MED13L: variants seen among roughly 807,000 people sequenced by gnomAD.
The protein encoded by MED13L is mediator complex subunit 13L, also known as mediator of RNA polymerase II transcription subunit 13-like.
A neutral mutation model predicts 220.9 loss-of-function variants in MED13L; 7 were observed. That is an observed-to-expected ratio of 0.03 (90% CI 0.02 to 0.06). The LOEUF is 0.06. Among genes scored for constraint, MED13L ranks in the 10% least tolerant of loss-of-function variants. The pLI is 1.00. For missense variants in MED13L, 1,965 were observed against 2,760.5 expected (o/e 0.71, Z 6.46); for synonymous variants, 1,011 against 1,015.2 (o/e 1.00, Z 0.08).
intron 3 of MED13L, among the ~76,000 whole-genome samples, chr12:116,100,675 C>T (rs1024206401): frequency 6.6e-6 from 1 of 151,506 alleles, no homozygotes; most frequent in Non-Finnish European, 1.5e-5. Flanking sequence ...CTCTGGGGAG[C>T]CAAAGTGGAA....
intron 2 of MED13L, among the ~76,000 whole-genome samples, chr12:116,211,961 TTAAAA>T (rs1458464280): frequency 1.3e-5 from 2 of 152,094 alleles, no homozygotes; most frequent in Non-Finnish European, 2.9e-5. Context: ...TAAATAACTA[TTAAAA>T]TAAGTTGAAA....
At chr12:116,084,040 G>C (rs1447208902) in intron 4 of MED13L, among the ~76,000 whole-genome samples, 1 of 152,200 alleles carries the variant, frequency 6.6e-6, no homozygotes, top group Admixed American at 6.5e-5. Context: ...TCTTGGTTCT[G>C]CATCATCTAT....
At chr12:115,972,956 T>TA (rs1488305236) in intron 25 of MED13L, among the ~76,000 whole-genome samples, 2 of 152,192 alleles carry the variant, frequency 1.3e-5, no homozygotes, top group Non-Finnish European at 2.9e-5. Context: ...GCGCCATTCC[T>TA]ATGCATCACC....
At chr12:116,024,777 G>GA (rs1482845652) in intron 4 of MED13L, among the ~76,000 whole-genome samples, 1 of 96,290 alleles carries the variant, frequency 1.0e-5, no homozygotes, top group Admixed American at 1.1e-4. Flanking sequence ...GCGGGGCGGG[G>GA]GGGGGGGGGA....
At chr12:116,024,146 G>C (rs1880231714) in intron 4 of MED13L, among the ~76,000 whole-genome samples, 1 of 152,064 alleles carries the variant, frequency 6.6e-6, no homozygotes, top group Admixed American at 6.6e-5. Context: ...TACAGCCATA[G>C]AACATGTTCT....
At chr12:116,127,511 C>T (rs1875698285) in intron 2 of MED13L, among the ~76,000 whole-genome samples, 1 of 152,104 alleles carries the variant, frequency 6.6e-6, no homozygotes, top group Non-Finnish European at 1.5e-5. Context: ...TAAACAGTTA[C>T]TACTCTAACT....
chr12:116,243,965 C>A (rs746328070), intron 1 of MED13L, among the ~76,000 whole-genome samples: 7 of 152,148 alleles, frequency 4.6e-5, no homozygotes, highest in Non-Finnish European at 8.8e-5. Context: ...TGAGATGGAA[C>A]CCTTATTACC....
intron 4 of MED13L, among the ~76,000 whole-genome samples, chr12:116,029,461 A>T (rs1880596067): frequency 6.6e-6 from 1 of 152,118 alleles, no homozygotes; most frequent in African/African-American, 2.4e-5. Context: ...AAAGACAAAG[A>T]TTACCAGAGT....
At position 116,005,718 on chromosome 12, in the gene MED13L, T is replaced by C. The variant is rs185080611; in HGVS notation, c.2469+151A>G. ...ACTTTTTTTATACAGCATGACTAGA[T>C]TCCAGTATACAGACATTTATAAAGA... On this transcript the variant is annotated intron_variant, in intron 13 of 30. Transcript: ENST00000281928. 723 of 1,017,810 alleles carry C rather than the reference T, an allele frequency of 7.1e-4. 3 individuals are homozygous for C. The highest frequency in any genetic ancestry group is 1.9e-3 in the African/African-American group (121 of 62,470). 63.0% of individuals were successfully genotyped at this position (1,017,810 alleles called of 1,614,324 possible).
At chr12:116,011,055 GT>G (rs1252966973) in intron 9 of MED13L, among the ~76,000 whole-genome samples, 8 of 146,776 alleles carry the variant, frequency 5.5e-5, no homozygotes, top group East Asian at 4.0e-4. Context: ...TTGTGTTTTT[GT>G]TTTTTTTTTA....
At position 116,258,466 on chromosome 12, in the gene MED13L, G is replaced by A. The variant is rs1047008155; in HGVS notation, c.72+18594C>T. Reference sequence around the variant, plus strand: ...TACAGATTCCTTTTAGTGAGTGGTTGGAAATTTTATTATAAAAAGAAAAAG... The same window carrying A: ...TACAGATTCCTTTTAGTGAGTGGTTAGAAATTTTATTATAAAAAGAAAAAG... On this transcript the variant is annotated intron_variant, in intron 1 of 30. Transcript: ENST00000281928. Among the ~76,000 whole-genome samples, 11 of 152,084 alleles carry A rather than the reference G, an allele frequency of 7.2e-5. No homozygotes were observed. The East Asian group carries it at 2.1e-3, about 29-fold the overall frequency.
intron 29 of MED13L, among the ~76,000 whole-genome samples, chr12:115,965,579 C>A (rs557406204): frequency 6.6e-6 from 1 of 152,140 alleles, no homozygotes; most frequent in Non-Finnish European, 1.5e-5. Flanking sequence ...AGTAGGGGAT[C>A]TTTTGTTTTG....
At chr12:116,091,622 G>C (rs1003438490) in intron 4 of MED13L, among the ~76,000 whole-genome samples, 3 of 152,150 alleles carry the variant, frequency 2.0e-5, no homozygotes, top group African/African-American at 7.2e-5. Context: ...GCAGCTACTT[G>C]TAAAAACTAC....
chr12:115,990,215 C>CT (rs1877966414), intron 17 of MED13L, among the ~76,000 whole-genome samples: 1 of 152,224 alleles, frequency 6.6e-6, no homozygotes, highest in Non-Finnish European at 1.5e-5. Flanking sequence ...ATTGAGATCT[C>CT]TGAGCAAATG....
At chr12:116,031,743 AAGAAAAGAAAAGAAAAGAAGGAAGGAAG>A (rs1880820424) in intron 4 of MED13L, among the ~76,000 whole-genome samples, 1 of 53,520 alleles carries the variant, frequency 1.9e-5, no homozygotes, top group African/African-American at 1.3e-4. Context: ...AAGAAAAGAA[AAGAAAAGAAAAGAAAAGAAGGAAGGAAG>A]GAAGGAAGGA....
chr12:116,082,339 A>G (rs1251965775), intron 4 of MED13L, among the ~76,000 whole-genome samples: 1 of 152,208 alleles, frequency 6.6e-6, no homozygotes, highest in Non-Finnish European at 1.5e-5. Context: ...TAAAAAGCAA[A>G]TGAGTAAATA....
intron 23 of MED13L, among the ~76,000 whole-genome samples, chr12:115,980,075 T>C (rs1300709697): frequency 6.6e-6 from 1 of 152,212 alleles, no homozygotes; most frequent in Non-Finnish European, 1.5e-5. Flanking sequence ...CAACTACAAC[T>C]GTTGTCCCAG....
In MED13L at chr12:115,991,187, C is replaced by G. The variant is rs750723367; in HGVS notation, c.3767G>C (p.Cys1256Ser). The change falls in exon 17 of 31, where the codon TGT (cysteine) becomes TCT (serine). Residue 1256 changes from cysteine (C) to serine (S), a missense_variant. Around this residue, in one of 10 missense-constraint regions of MED13L, gnomAD observed 165 missense variants for 190.8 expected, o/e 0.86. Coordinates refer to ENST00000281928, the MANE Select transcript of MED13L (RefSeq NM_015335.5). The surrounding 1 kb of genome is among the most constrained non-coding windows in gnomAD (Gnocchi z 7.7). ...ISSNNRQTLP[C>S]VSWSYDRVQA... The stretch of plus-strand genomic sequence containing the variant: ...CACCCGGTCATAACTCCAGCTTACA[C>G]AGGGAAGAGTTTGGCGATTGTTAGA... The G allele has an allele frequency of 1.2e-6, 2 of 1,614,114 alleles. No individual in the cohort carries two copies. Among genetic ancestry groups the G allele is most frequent in the South Asian group, 2.2e-5 (2 of 91,080 alleles).
chr12:116,182,158 T>C (rs1565916572), intron 2 of MED13L, among the ~76,000 whole-genome samples: 1 of 152,160 alleles, frequency 6.6e-6, no homozygotes, highest in Non-Finnish European at 1.5e-5. Context: ...CTCTCTCATC[T>C]AAATCCAACT....
Sources: gnomAD v4.1 joint callset for allele counts (sites outside exome capture counted in the v4.1 genomes callset) on GRCh38, gnomAD v4.1.1 for gene constraint, gnomAD v4.1.1 regional missense constraint, Gnocchi (gnomAD v3.1) non-coding constraint, MANE v1.5 for transcripts, NCBI Gene and HGNC (gene_info 2026-07-23, HGNC 2026-07-21) for gene names.